The following NDUFS4 variants were observed in gnomAD, a reference collection of about 807,000 sequenced individuals.
NDUFS4 encodes the protein NADH dehydrogenase [ubiquinone] iron-sulfur protein 4, mitochondrial.
In NDUFS4, 28 loss-of-function variants were observed where a neutral mutation model predicts 24.3. That is an observed-to-expected ratio of 1.15 (90% CI 0.85 to 1.58). The LOEUF is 1.58. Ranked by LOEUF, NDUFS4 falls within the 40% of genes most tolerant of loss-of-function variation. NDUFS4 has a pLI of 0.00. For missense variants in NDUFS4, 223 were observed against 207.9 expected (o/e 1.07, Z -0.45); for synonymous variants, 93 against 69.7 (o/e 1.34, Z -1.67).
At chr5:53,651,914 A>G (rs1752029261) in intron 3 of NDUFS4, among the ~76,000 whole-genome samples, 1 of 151,850 alleles carries the variant, frequency 6.6e-6, no homozygotes, top group African/African-American at 2.4e-5. Context: ...CTGGGACTAC[A>G]GGCACCTGCA....
At chr5:53,657,486 C>A (rs1232366457) in intron 3 of NDUFS4, among the ~76,000 whole-genome samples, 1 of 152,146 alleles carries the variant, frequency 6.6e-6, no homozygotes, top group Non-Finnish European at 1.5e-5. Flanking sequence ...TATCTCATAT[C>A]TTTCCCCATC....
At chr5:53,652,447 CAT>C (rs1334810254) in intron 3 of NDUFS4, among the ~76,000 whole-genome samples, 4 of 151,976 alleles carry the variant, frequency 2.6e-5, no homozygotes, top group African/African-American at 7.3e-5. Flanking sequence ...AATGTTTTCC[CAT>C]ATGTTTTCCT....
chr5:53,650,782 G>A (rs372215), intron 3 of NDUFS4, among the ~76,000 whole-genome samples: 39,187 of 152,086 alleles, frequency 0.26, 6,730 homozygotes, highest in African/African-American at 0.48. Flanking sequence ...AAGCGCATTA[G>A]TGGATTGTTT....
intron 2 of NDUFS4, among the ~76,000 whole-genome samples, chr5:53,605,439 G>C (rs191486941): frequency 6.6e-6 from 1 of 152,310 alleles, no homozygotes; most frequent in African/African-American, 2.4e-5. Context: ...AAGAATGAGT[G>C]AGTCAGCCAG....
rs1750254683 is a variant in NDUFS4, at chr5:53,599,851, C to G, written c.99-3601C>G. Reference sequence around the variant, plus strand: ...TTTTTCTTAACAAGGTTTTTGTACTCTTAATATTTTCCTTCCATCTACCAT... The same window carrying G: ...TTTTTCTTAACAAGGTTTTTGTACTGTTAATATTTTCCTTCCATCTACCAT... On this transcript the variant is annotated intron_variant, in intron 1 of 4. Coordinates refer to ENST00000296684, the MANE Select transcript of NDUFS4 (RefSeq NM_002495.4). Among the ~76,000 whole-genome samples, 3 of 151,814 alleles carry G rather than the reference C, an allele frequency of 2.0e-5. No homozygotes were observed. In the South Asian group the frequency reaches 6.2e-4, roughly 31 times the overall value.
chr5:53,600,092 C>T (rs889492439), intron 1 of NDUFS4, among the ~76,000 whole-genome samples: 2 of 149,922 alleles, frequency 1.3e-5, no homozygotes, highest in African/African-American at 2.5e-5. Context: ...CTCCACCTCC[C>T]GGGTTCAAGT....
chr5:53,654,228 A>G (rs1752099813), intron 3 of NDUFS4, among the ~76,000 whole-genome samples: 1 of 152,124 alleles, frequency 6.6e-6, no homozygotes, highest in Admixed American at 6.6e-5. Flanking sequence ...TTTTTGTAAC[A>G]TCTGTTGAAG....
intron 1 of NDUFS4, among the ~76,000 whole-genome samples, chr5:53,580,080 C>A (rs1461956612): frequency 6.6e-6 from 1 of 152,112 alleles, no homozygotes; most frequent in Non-Finnish European, 1.5e-5. Context: ...CCACAAATTT[C>A]GTAGTAATTT....
At chr5:53,623,786 T>G (rs1751130937) in intron 2 of NDUFS4, among the ~76,000 whole-genome samples, 1 of 152,144 alleles carries the variant, frequency 6.6e-6, no homozygotes, top group Non-Finnish European at 1.5e-5. Flanking sequence ...TGGCGCAATC[T>G]CGGCTCACTA....
chr5:53,604,645 G>C (rs1750439427), intron 2 of NDUFS4: 1 of 409,822 alleles, frequency 2.4e-6, no homozygotes, highest in African/African-American at 2.1e-5. Context: ...GGTGCTTCCT[G>C]TTGCCCTTAG....
intron 1 of NDUFS4, among the ~76,000 whole-genome samples, chr5:53,569,979 A>T (rs1458329037): frequency 6.6e-6 from 1 of 152,104 alleles, no homozygotes; most frequent in African/African-American, 2.4e-5. Flanking sequence ...GATTTATTTT[A>T]TATTATTTTT....
chr5:53,582,456 C>T (rs1749601044), intron 1 of NDUFS4, among the ~76,000 whole-genome samples: 1 of 152,138 alleles, frequency 6.6e-6, no homozygotes, highest in South Asian at 2.1e-4. Context: ...CAGACCGTGG[C>T]CATGTATACA....
intron 1 of NDUFS4, among the ~76,000 whole-genome samples, chr5:53,598,721 C>CAGAGTT (rs1750212547): frequency 6.6e-6 from 1 of 152,006 alleles, no homozygotes; most frequent in Non-Finnish European, 1.5e-5. Context: ...TTTACTTAAC[C>CAGAGTT]AGAGTTAGAA....
At chr5:53,597,914 C>G (rs968220026) in intron 1 of NDUFS4, among the ~76,000 whole-genome samples, 2 of 152,258 alleles carry the variant, frequency 1.3e-5, no homozygotes, top group East Asian at 1.9e-4. Context: ...AATAAGAAAA[C>G]AAGCAACCCA....
chr5:53,682,665 A>G (rs536591206), intron 4 of NDUFS4, among the ~76,000 whole-genome samples: 2 of 152,222 alleles, frequency 1.3e-5, no homozygotes, highest in East Asian at 1.9e-4. Flanking sequence ...ACGTACATAT[A>G]TATACGTTTA....
chr5:53,668,461 G>T (rs949035546), intron 4 of NDUFS4, among the ~76,000 whole-genome samples: 1 of 151,448 alleles, frequency 6.6e-6, no homozygotes, highest in Non-Finnish European at 1.5e-5. Context: ...CTTTTTTTTG[G>T]AGGGGTTCGG....
chr5:53,660,549 G>C (rs1182683539), intron 4 of NDUFS4, among the ~76,000 whole-genome samples: 1 of 152,008 alleles, frequency 6.6e-6, no homozygotes, highest in African/African-American at 2.4e-5. Flanking sequence ...GGTATTTCTA[G>C]TACTAGATGC....
chr5:53,583,615 C>T (rs1346183560), intron 1 of NDUFS4, among the ~76,000 whole-genome samples: 1 of 152,108 alleles, frequency 6.6e-6, no homozygotes, highest in Non-Finnish European at 1.5e-5. Flanking sequence ...TTTTATTTGG[C>T]TAAATTTGTT....
intron 3 of NDUFS4, among the ~76,000 whole-genome samples, chr5:53,653,263 T>A (rs746300030): frequency 6.6e-6 from 1 of 152,200 alleles, no homozygotes; most frequent in Non-Finnish European, 1.5e-5. Context: ...TAAGCAGACA[T>A]GTGCACAAAC....
Sources: allele counts gnomAD v4.1 joint callset (sites outside exome capture counted in the v4.1 genomes callset), GRCh38; gene constraint gnomAD v4.1.1; transcripts MANE v1.5; gene names NCBI Gene and HGNC (gene_info 2026-07-23, HGNC 2026-07-21).